Variants in PEX5L observed in about 807,000 individuals in gnomAD.
PEX5L encodes the protein PEX5-related protein.
In PEX5L, 30 loss-of-function variants were observed where a neutral mutation model predicts 84.0. That is an observed-to-expected ratio of 0.36 (90% CI 0.27 to 0.48). PEX5L has a LOEUF of 0.48. Among genes scored for constraint, PEX5L ranks in the 20% least tolerant of loss-of-function variants. The pLI is 0.99. For synonymous variants in PEX5L, 270 were observed against 283.1 expected, an observed-to-expected ratio of 0.95 and a Z score of 0.46; for missense variants, 533 against 754.6, an observed-to-expected ratio of 0.71 and a Z score of 3.44.
chr3:179,883,191 C>T (rs1754700084), intron 4 of PEX5L, among the ~76,000 whole-genome samples: 1 of 123,684 alleles, frequency 8.1e-6, no homozygotes, highest in African/African-American at 3.0e-5. Context: ...AAAATACCTT[C>T]AGGGTGTAAT....
In PEX5L at chr3:179,927,221, C is replaced by T. The variant is rs9824436; in HGVS notation, c.94-28975G>A. Among the ~76,000 whole-genome samples, 1,514 of 152,168 alleles carry T rather than the reference C, an allele frequency of 9.9e-3. 22 individuals carry two copies. Among genetic ancestry groups the T allele is most frequent in the African/African-American group, 0.035 (1,445 of 41,488 alleles). ...ACTCGGGTTCTTCCAAATGGTGAAACGTGTGATAAAGAGAGGCACATGGTA... is the reference window on the plus strand; with the variant it reads ...ACTCGGGTTCTTCCAAATGGTGAAATGTGTGATAAAGAGAGGCACATGGTA... On this transcript the variant is annotated intron_variant, in intron 2 of 14. Transcript: ENST00000467460.
chr3:180,011,432 A>G (rs1321908254), intron 1 of PEX5L, among the ~76,000 whole-genome samples: 4 of 152,346 alleles, frequency 2.6e-5, no homozygotes, highest in East Asian at 1.9e-4. Context: ...AAACAGTAGC[A>G]TGCTCCTCCA....
At chr3:179,950,892 G>A (rs1049879301) in intron 2 of PEX5L, among the ~76,000 whole-genome samples, 3 of 152,216 alleles carry the variant, frequency 2.0e-5, no homozygotes, top group Admixed American at 1.3e-4. Flanking sequence ...CGTAAGAGGA[G>A]GCAGGGAGCA....
intron 1 of PEX5L, 41 bp from the exon 2 acceptor site, chr3:179,971,706 C>A: frequency 3.3e-6 from 5 of 1,520,636 alleles, no homozygotes; most frequent in Non-Finnish European, 4.4e-6. Flanking sequence ...TAGTTTCTAT[C>A]CATTAACAAT....
chr3:179,861,839 G>GTGA (rs1321618336), intron 7 of PEX5L, among the ~76,000 whole-genome samples: 1 of 152,174 alleles, frequency 6.6e-6, no homozygotes, highest in Non-Finnish European at 1.5e-5. Flanking sequence ...AAAAGAACTT[G>GTGA]TGATAGAAAA....
rs578071473 is a variant in PEX5L at position 179,913,130 on chromosome 3, T to G, written c.94-14884A>C. On this transcript the variant is annotated intron_variant, in intron 2 of 14. Transcript: ENST00000467460. ...CAGCTAATTAGAATAGCCAAATGCC[T>G]TTGAGTGTTCTCATTAATCAAAATT... is the stretch of plus-strand genomic sequence containing the variant. 2.6e-5 allele frequency among the ~76,000 whole-genome samples: 4 copies of G among 152,306 alleles called. No homozygotes were observed. In the East Asian group the frequency reaches 7.7e-4, roughly 29 times the overall value.
At chr3:179,828,876 A>T (rs1269467645) in intron 8 of PEX5L, among the ~76,000 whole-genome samples, 1 of 152,212 alleles carries the variant, frequency 6.6e-6, no homozygotes, top group Non-Finnish European at 1.5e-5. Flanking sequence ...ATTAGCCAGC[A>T]GGTTTTCTCA....
intron 1 of PEX5L, among the ~76,000 whole-genome samples, chr3:180,013,896 T>A (rs6800148): frequency 7.9e-5 from 12 of 152,058 alleles, no homozygotes; most frequent in Admixed American, 2.0e-4. Flanking sequence ...GTGACTTTCA[T>A]AATAAAAAAT....
intron 2 of PEX5L, among the ~76,000 whole-genome samples, chr3:179,963,751 T>G (rs1782652240): frequency 6.6e-6 from 1 of 152,200 alleles, no homozygotes; most frequent in South Asian, 2.1e-4. Context: ...CCGCTGAAGC[T>G]GATACGTGCT....
chr3:179,820,424 T>A (rs886805115), intron 8 of PEX5L: 1 of 156,322 alleles, frequency 6.4e-6, no homozygotes, highest in Admixed American at 6.3e-5. Flanking sequence ...CTACTCTGTG[T>A]CAAGCACTGT....
chr3:179,859,281 C>T, intron 7 of PEX5L, 124 bp from the exon 8 acceptor site: 1 of 710,400 alleles, frequency 1.4e-6, no homozygotes, highest in South Asian at 1.7e-5. Context: ...TGACTGATGA[C>T]ATTTTTGGAG....
intron 1 of PEX5L, among the ~76,000 whole-genome samples, chr3:180,019,956 G>C (rs1790285593): frequency 6.6e-6 from 1 of 152,140 alleles, no homozygotes; most frequent in Non-Finnish European, 1.5e-5. Flanking sequence ...AAACAATTAG[G>C]CTTCTTAACG....
chr3:179,888,264 C>A, intron 3 of PEX5L: 1 of 787,676 alleles, frequency 1.3e-6, no homozygotes, highest in Non-Finnish European at 1.9e-6. Flanking sequence ...GCCTCGTCTC[C>A]CTCTCTTAAA....
chr3:179,829,943 A>ATTT (rs11352022), intron 8 of PEX5L, among the ~76,000 whole-genome samples: 11 of 83,622 alleles, frequency 1.3e-4, no homozygotes, highest in African/African-American at 2.4e-4. Flanking sequence ...GGCCTGGCTA[A>ATTT]TTTTTTTTTT....
intron 11 of PEX5L, among the ~76,000 whole-genome samples, chr3:179,811,269 A>C (rs57790468): frequency 1.3e-5 from 2 of 152,086 alleles, no homozygotes; most frequent in East Asian, 3.9e-4. Context: ...GCACACATAT[A>C]TATTCTCTTC....
chr3:179,977,909 G>T (rs887237139), intron 1 of PEX5L, among the ~76,000 whole-genome samples: 1 of 152,136 alleles, frequency 6.6e-6, no homozygotes, highest in African/African-American at 2.4e-5. Context: ...CGGTAAAAGA[G>T]AGTGGCCACA....
intron 1 of PEX5L, chr3:179,973,384 CT>C (rs1456012737): frequency 1.8e-6 from 2 of 1,113,484 alleles, no homozygotes; most frequent in Non-Finnish European, 2.2e-6. Flanking sequence ...ATTGTCTTGA[CT>C]TTGTAAACAT....
At chr3:180,024,685 T>TGA in intron 1 of PEX5L, among the ~76,000 whole-genome samples, 1 of 151,658 alleles carries the variant, frequency 6.6e-6, no homozygotes, top group African/African-American at 2.4e-5. Flanking sequence ...TGCATGTGTG[T>TGA]GTGTGAGAGA....
intron 8 of PEX5L, among the ~76,000 whole-genome samples, chr3:179,828,941 T>C (rs1457801044): frequency 1.3e-5 from 2 of 152,200 alleles, no homozygotes; most frequent in Non-Finnish European, 2.9e-5. Flanking sequence ...GCTGTTATTA[T>C]TCTAGAAAGG....
Sources: gnomAD v4.1 joint callset for allele counts (sites outside exome capture counted in the v4.1 genomes callset) on GRCh38, gnomAD v4.1.1 for gene constraint, MANE v1.5 for transcripts, NCBI Gene and HGNC (gene_info 2026-07-23, HGNC 2026-07-21) for gene names.